TEX36: variants seen among roughly 807,000 people sequenced by gnomAD.
TEX36 encodes the protein testis expressed 36, also known as testis-expressed protein 36.
TEX36 carries 12 observed loss-of-function variants against 13.6 expected under a neutral mutation model. The ratio of observed to expected loss-of-function variants is 0.88; its 90% CI spans 0.56 to 1.43. TEX36 has a LOEUF of 1.43. Among genes scored for constraint, TEX36 ranks in the 40% most tolerant of loss-of-function variants. TEX36 has a pLI of 0.00. For missense variants in TEX36, 224 were observed against 228.3 expected, an observed-to-expected ratio of 0.98 and a Z score of 0.12; for synonymous variants, 93 against 83.0, an observed-to-expected ratio of 1.12 and a Z score of -0.65.
chr10:125,583,636 A>G (rs1845910079), intron 3 of TEX36, among the ~76,000 whole-genome samples: 1 of 152,224 alleles, frequency 6.6e-6, no homozygotes. Context: ...AGACTCTAGC[A>G]AAAAGCCCAT....
At chr10:125,618,845 G>T (rs535384819), downstream of TEX36, among the ~76,000 whole-genome samples, 1 of 148,866 alleles carries the variant, frequency 6.7e-6, no homozygotes, top group East Asian at 2.0e-4. Flanking sequence ...GGTGGCTCAC[G>T]CCTGTAATCC....
At chr10:125,633,971 T>A (rs1343007494) in intron 3 of TEX36, among the ~76,000 whole-genome samples, 4 of 152,096 alleles carry the variant, frequency 2.6e-5, no homozygotes, top group Admixed American at 6.5e-5. Context: ...CCTCTAGGGT[T>A]CAAGTCTACC....
In TEX36 at chr10:125,656,160, G is replaced by C; in HGVS notation, c.301C>G (p.Gln101Glu). 2 of 1,541,020 alleles carry C rather than the reference G, an allele frequency of 1.3e-6. No individual in the cohort carries two copies. The highest frequency in any genetic ancestry group is 1.7e-6 in the Non-Finnish European group (2 of 1,144,072). The change falls in exon 4 of 4, where the codon CAA becomes GAA. Residue 101 changes from glutamine (Q) to glutamate (E), a missense_variant. By Grantham distance (29) the Gln-to-Glu change is conservative. Coordinates refer to ENST00000368821, the MANE Select transcript of TEX36 (RefSeq NM_001128202.3). ...AGATTAAAATTTCTTGAAACATGTT[G>C]CCTCTTATCTGGAGAGATCTTCTTA... is the stretch of plus-strand genomic sequence containing the variant. ...GRKKISPDKR[Q>E]HVSRNFNLWA...
At chr10:125,666,938 G>A (rs1589783884) in intron 1 of TEX36, 2 of 666,686 alleles carry the variant, frequency 3.0e-6, no homozygotes, top group South Asian at 1.8e-5. Flanking sequence ...CACTGCTTGG[G>A]GTGTACTTTC....
At chr10:125,665,159 A>T (rs1412403401) in intron 1 of TEX36, among the ~76,000 whole-genome samples, 1 of 152,078 alleles carries the variant, frequency 6.6e-6, no homozygotes, top group African/African-American at 2.4e-5. Context: ...CTGTCAGATG[A>T]ATGGTTTGCA....
intron 3 of TEX36, among the ~76,000 whole-genome samples, chr10:125,629,971 T>A (rs1255591368): frequency 6.6e-6 from 1 of 152,194 alleles, no homozygotes; most frequent in Non-Finnish European, 1.5e-5. Flanking sequence ...GTGGTATGCA[T>A]CTGTATGATC....
chr10:125,628,953 A>G (rs7920745), intron 3 of TEX36, among the ~76,000 whole-genome samples: 10,874 of 152,236 alleles, frequency 0.071, 489 homozygotes, highest in African/African-American at 0.12. Flanking sequence ...TCCTCACAAC[A>G]TCCTCTTGAG....
chr10:125,661,484 C>T (rs1234109441), intron 2 of TEX36, among the ~76,000 whole-genome samples: 1 of 152,150 alleles, frequency 6.6e-6, no homozygotes, highest in Non-Finnish European at 1.5e-5. Flanking sequence ...TGGCCCAAGG[C>T]CTGGGGGGAA....
rs184195997 is a variant in TEX36 at position 125,680,862 on chromosome 10, C to A, written c.51+2077G>T. On this transcript the variant is annotated intron_variant, in intron 1 of 3. Transcript: ENST00000368821. ...AGGGACTGGGCTACGTTTCTGGGGT[C>A]TTGATAGAAGGATAAAATAAAATTT... Among the ~76,000 whole-genome samples the A allele has an allele frequency of 1.6e-3, 243 of 152,266 alleles. 2 individuals carry two copies. The highest frequency in any genetic ancestry group is 0.014 in the Admixed American group (221 of 15,290).
In TEX36 at chr10:125,656,052, C is replaced by G. The variant is rs1846935699; in HGVS notation, c.409G>C (p.Val137Leu). ...ISYVYKEAMV[V>L]SSFRRFPRCY... Reference sequence around the variant, plus strand: ...CGTGGAAAGCGTCTGAAGCTTGAGACCACCATGGCTTCTTTATATACGTAT... The same window carrying G: ...CGTGGAAAGCGTCTGAAGCTTGAGAGCACCATGGCTTCTTTATATACGTAT... Residue 137 changes from valine (V) to leucine (L), a missense_variant, in exon 4 of 4, where the codon GTC (valine) becomes CTC (leucine). Physicochemically the swap from Val to Leu is conservative, Grantham distance 32. Transcript: ENST00000368821. 1.3e-6 allele frequency: 2 copies of G among 1,551,936 alleles called. No homozygotes were observed. The highest frequency in any genetic ancestry group is 1.7e-6 in the Non-Finnish European group (2 of 1,147,050).
intron 3 of TEX36, among the ~76,000 whole-genome samples, chr10:125,583,963 G>T (rs896439804): frequency 2.0e-5 from 3 of 152,180 alleles, no homozygotes; most frequent in Non-Finnish European, 4.4e-5. Context: ...TGTCAGGCCT[G>T]TGACTTGCTT....
chr10:125,650,874 C>T (rs970525859), downstream of TEX36, among the ~76,000 whole-genome samples: 58 of 152,246 alleles, frequency 3.8e-4, no homozygotes, highest in African/African-American at 1.2e-3. Context: ...AACATATCTA[C>T]ACAAATAAAC....
chr10:125,645,497 C>A (rs1039538717), intron 3 of TEX36, among the ~76,000 whole-genome samples: 4 of 152,150 alleles, frequency 2.6e-5, no homozygotes, highest in Non-Finnish European at 5.9e-5. Flanking sequence ...AGAGAGTCCT[C>A]ACTAGCAAGA....
chr10:125,611,086 A>G (rs1846283976), intron 3 of TEX36, among the ~76,000 whole-genome samples: 1 of 152,196 alleles, frequency 6.6e-6, no homozygotes, highest in Non-Finnish European at 1.5e-5. Flanking sequence ...GTTCCTGTAC[A>G]ATGCAAATTT....
At chr10:125,649,815 A>G (rs1469200975) in intron 3 of TEX36, among the ~76,000 whole-genome samples, 1 of 152,206 alleles carries the variant, frequency 6.6e-6, no homozygotes, top group Non-Finnish European at 1.5e-5. Flanking sequence ...TACGAAGCAA[A>G]TGGAAAACAA....
intron 3 of TEX36, chr10:125,576,954 G>A: frequency 6.6e-7 from 1 of 1,515,936 alleles, no homozygotes; most frequent in East Asian, 2.5e-5. Flanking sequence ...GAGAGGAAAG[G>A]GGGCCTTATT....
chr10:125,682,278 G>C (rs776802487), intron 1 of TEX36, among the ~76,000 whole-genome samples: 6 of 152,210 alleles, frequency 3.9e-5, no homozygotes, highest in South Asian at 2.1e-4. Flanking sequence ...TGGTAGAAGA[G>C]TGAAAAATCC....
chr10:125,597,691 G>T (rs1846097593), intron 3 of TEX36, among the ~76,000 whole-genome samples: 1 of 152,142 alleles, frequency 6.6e-6, no homozygotes, highest in Non-Finnish European at 1.5e-5. Flanking sequence ...CTTCACCTGT[G>T]GCCTGGAGGA....
intron 1 of TEX36, among the ~76,000 whole-genome samples, chr10:125,682,277 A>G (rs1847408414): frequency 6.6e-6 from 1 of 152,222 alleles, no homozygotes; most frequent in Non-Finnish European, 1.5e-5. Flanking sequence ...ATGGTAGAAG[A>G]GTGAAAAATC....
Sources: gnomAD v4.1 joint callset for allele counts (sites outside exome capture counted in the v4.1 genomes callset) on GRCh38, gnomAD v4.1.1 for gene constraint, MANE v1.5 for transcripts, NCBI Gene and HGNC (gene_info 2026-07-23, HGNC 2026-07-21) for gene names.